The following DARS1 variants were observed in gnomAD, a reference collection of about 807,000 sequenced individuals.
DARS1 encodes aspartate--tRNA ligase, cytoplasmic.
DARS1 carries 51 observed loss-of-function variants against 68.8 expected under a neutral mutation model. The observed-to-expected ratio is 0.74, with a 90% confidence interval of 0.59 to 0.94. The LOEUF (loss-of-function observed/expected upper bound fraction) is 0.94. Ranked by LOEUF, DARS1 falls within the 40% of genes least tolerant of loss-of-function variation. The pLI is 0.00. For missense variants in DARS1, 607 were observed against 597.3 expected (o/e 1.02, Z -0.17); for synonymous variants, 203 against 190.4 (o/e 1.07, Z -0.55).
intron 5 of DARS1, among the ~76,000 whole-genome samples, chr2:135,937,177 C>T (rs1270989170): frequency 6.6e-6 from 1 of 152,032 alleles, no homozygotes; most frequent in Non-Finnish European, 1.5e-5. Flanking sequence ...CAACCTCTGT[C>T]TCCTGGGTTC....
chr2:135,934,112 T>C (rs1039909558), intron 5 of DARS1, 122 bp from the exon 6 acceptor site: 3 of 1,402,240 alleles, frequency 2.1e-6, no homozygotes, highest in Non-Finnish European at 2.8e-6. Flanking sequence ...TAATTGAAAC[T>C]ACTTGCTGAA....
intron 4 of DARS1, among the ~76,000 whole-genome samples, chr2:135,961,142 C>T (rs1302681847): frequency 6.6e-6 from 1 of 152,188 alleles, no homozygotes; most frequent in Non-Finnish European, 1.5e-5. Flanking sequence ...CTTTTTGTTA[C>T]TCTACTTGAA....
chr2:135,974,167 G>A (rs931992630), intron 3 of DARS1, among the ~76,000 whole-genome samples: 1 of 152,232 alleles, frequency 6.6e-6, no homozygotes. Context: ...GCTGAAACAA[G>A]AAGGCAGAAC....
At chr2:135,975,359 C>CA (rs998954963) in intron 3 of DARS1, among the ~76,000 whole-genome samples, 1 of 150,396 alleles carries the variant, frequency 6.6e-6, no homozygotes, top group South Asian at 2.1e-4. Flanking sequence ...AACAAACAAA[C>CA]AAAAAAAACC....
At chr2:135,927,712 T>A (rs752227560) in intron 7 of DARS1, among the ~76,000 whole-genome samples, 2 of 152,108 alleles carry the variant, frequency 1.3e-5, no homozygotes, top group Non-Finnish European at 2.9e-5. Flanking sequence ...AGAAAACTAA[T>A]TTTTCTACAC....
chr2:135,930,661 G>T (rs1681321631), intron 7 of DARS1, among the ~76,000 whole-genome samples: 1 of 152,182 alleles, frequency 6.6e-6, no homozygotes, highest in Non-Finnish European at 1.5e-5. Flanking sequence ...TCTAGATAAA[G>T]AAATAAAAGA....
intron 3 of DARS1, among the ~76,000 whole-genome samples, chr2:135,972,681 C>T (rs542046217): frequency 8.5e-5 from 13 of 152,108 alleles, no homozygotes; most frequent in East Asian, 3.9e-4. Context: ...ACCCATCTGA[C>T]GAGGAATTAC....
intron 3 of DARS1, 108 bp from the exon 4 acceptor site, chr2:135,961,606 C>T (rs2104834201): frequency 2.8e-6 from 2 of 704,478 alleles, no homozygotes; most frequent in Non-Finnish European, 5.1e-6. Flanking sequence ...TTACTATACT[C>T]ATCAGGCACG....
At chr2:135,962,875 C>T (rs1391978484) in intron 3 of DARS1, among the ~76,000 whole-genome samples, 1 of 152,104 alleles carries the variant, frequency 6.6e-6, no homozygotes, top group Non-Finnish European at 1.5e-5. Context: ...ACCACAGCCA[C>T]GTTACCCCAC....
chr2:135,967,179 T>C (rs1682255288), intron 3 of DARS1, among the ~76,000 whole-genome samples: 1 of 152,232 alleles, frequency 6.6e-6, no homozygotes, highest in Non-Finnish European at 1.5e-5. Context: ...ATAATGTACC[T>C]TAACTTCCTA....
In DARS1 at chr2:135,985,509, AG is replaced by A. The variant is rs752915622; in HGVS notation, c.-42del. On this transcript the variant is annotated 5_prime_UTR_variant, in exon 1 of 16. Coordinates refer to ENST00000264161, the MANE Select transcript of DARS1 (RefSeq NM_001349.4). ...GGCAGTGGACACCACCCTCCCTCGC[AG>A]GCTTCCGTAAGGCAGGCCAAAGGGG... 5.6e-5 allele frequency: 90 copies of A among 1,613,798 alleles called. No homozygotes were observed. Among genetic ancestry groups the A allele is most frequent in the Admixed American group, 8.3e-5 (5 of 60,004 alleles).
intron 1 of DARS1, 129 bp downstream of exon 1, chr2:135,985,274 C>G (rs1682749654): frequency 7.1e-7 from 1 of 1,417,496 alleles, no homozygotes; most frequent in Non-Finnish European, 9.3e-7. Context: ...GGCGCCCGGA[C>G]CCCACGCCCG....
At chr2:135,956,439 T>C (rs1469355972) in intron 4 of DARS1, among the ~76,000 whole-genome samples, 4 of 152,142 alleles carry the variant, frequency 2.6e-5, no homozygotes. Context: ...ACCTGAGGGA[T>C]GGTGGAGGAG....
At chr2:135,969,646 C>T (rs1183582198) in intron 3 of DARS1, among the ~76,000 whole-genome samples, 3 of 149,970 alleles carry the variant, frequency 2.0e-5, no homozygotes, top group African/African-American at 4.9e-5. Flanking sequence ...GCACCTTTGC[C>T]AAATTGAGTT....
intron 3 of DARS1, among the ~76,000 whole-genome samples, chr2:135,967,767 G>A (rs1362989806): frequency 1.3e-5 from 2 of 152,008 alleles, no homozygotes; most frequent in African/African-American, 4.8e-5. Context: ...GTTTCTCAGG[G>A]CTTTGCTCTA....
At chr2:135,950,444 A>C (rs1041247227) in intron 4 of DARS1, among the ~76,000 whole-genome samples, 1 of 152,224 alleles carries the variant, frequency 6.6e-6, no homozygotes, top group African/African-American at 2.4e-5. Context: ...CCCAAAGAGA[A>C]TGTGTTACTA....
Position 135,948,083 on chromosome 2 carries a change from C to T in DARS1, c.321-4603G>A, listed in dbSNP as rs115704588. Among the ~76,000 whole-genome samples the T allele has an allele frequency of 8.7e-3, 1,331 of 152,280 alleles. 16 individuals carry two copies. Among genetic ancestry groups the T allele is most frequent in the African/African-American group, 0.028 (1,165 of 41,542 alleles). ...AATTTCTGACAGCAGATTTTAGACC[C>T]GTTTTTTTTCTTAGCACACCTTTAG... On this transcript the variant is annotated intron_variant, in intron 4 of 15. Coordinates refer to ENST00000264161, the MANE Select transcript of DARS1 (RefSeq NM_001349.4).
chr2:135,932,734 C>T (rs780160531), intron 7 of DARS1, 49 bp downstream of exon 7: 1 of 862,898 alleles, frequency 1.2e-6, no homozygotes, highest in Admixed American at 2.0e-5. Context: ...ATCCCTGCCC[C>T]TCTCTAATGC....
In DARS1 at chr2:135,922,888, G is replaced by A; in HGVS notation, c.707C>T (p.Thr236Ile). ...AASEGGANVF[T>I]VSYFKNNAYL... Reference sequence around the variant, plus strand: ...TGCATTATTTTTAAAATATGACACAGTAAAAACATTGGCTCCTCCTTCACT... The same window carrying A: ...TGCATTATTTTTAAAATATGACACAATAAAAACATTGGCTCCTCCTTCACT... The change falls in exon 9 of 16, where the codon ACT (threonine) becomes ATT (isoleucine). Residue 236 changes from threonine to isoleucine, a missense_variant. Physicochemically the swap from Thr to Ile is moderately conservative, Grantham distance 89. Coordinates refer to ENST00000264161, the MANE Select transcript of DARS1 (RefSeq NM_001349.4). 1 of 1,562,640 alleles carries A rather than the reference G, an allele frequency of 6.4e-7. No homozygotes were observed. The highest frequency in any genetic ancestry group is 1.9e-5 in the Admixed American group (1 of 53,600).
Sources: allele counts gnomAD v4.1 joint callset (sites outside exome capture counted in the v4.1 genomes callset), GRCh38; gene constraint gnomAD v4.1.1; transcripts MANE v1.5; gene names NCBI Gene and HGNC (gene_info 2026-07-23, HGNC 2026-07-21).